SLC4A8: variants seen among roughly 807,000 people sequenced by gnomAD.
SLC4A8 encodes the protein solute carrier family 4 member 8, also known as electroneutral sodium bicarbonate exchanger 1.
SLC4A8 carries 40 observed loss-of-function variants against 125.0 expected under a neutral mutation model. The observed-to-expected ratio is 0.32, with a 90% CI of 0.25 to 0.42. SLC4A8 has a LOEUF of 0.42. Ranked by LOEUF, SLC4A8 falls within the 10% of genes least tolerant of loss-of-function variation. SLC4A8 has a pLI of 1.00. For missense variants in SLC4A8, 863 were observed against 1,355.1 expected (o/e 0.64, Z 5.70); for synonymous variants, 456 against 476.0 (o/e 0.96, Z 0.55).
intron 1 of SLC4A8, among the ~76,000 whole-genome samples, chr12:51,430,362 G>A (rs147154121): frequency 2.6e-5 from 4 of 152,178 alleles, no homozygotes; most frequent in African/African-American, 7.2e-5. Context: ...CAGGGAGTGC[G>A]TCAACTTTTC....
intron 9 of SLC4A8, chr12:51,461,571 A>G (rs1431994344): frequency 1.7e-5 from 5 of 290,684 alleles, no homozygotes; most frequent in African/African-American, 1.1e-4. Context: ...AGAGAAATAT[A>G]TTAAGGTTGG....
chr12:51,508,616 G>A lies in SLC4A8; in HGVS notation c.*1178G>A, dbSNP rs1482865008. On this transcript the variant is annotated 3_prime_UTR_variant, in exon 25 of 25. Transcript: ENST00000453097. ...ACATTCTGGCTCTCAGATGCAAAAA[G>A]TCACACTGGGAAATGAACTGTAAGT... The A allele has an allele frequency of 6.6e-6, 1 of 152,626 alleles. No individual in the cohort carries two copies. Among genetic ancestry groups the A allele is most frequent in the Non-Finnish European group, 1.5e-5 (1 of 68,044 alleles). The allele number at this position is 152,626 out of a possible 1,614,324, so 9.5% of individuals were successfully genotyped here.
At chr12:51,425,236 G>T in intron 1 of SLC4A8, 13 of 1,369,270 alleles carry the variant, frequency 9.5e-6, no homozygotes, top group South Asian at 1.7e-5. Context: ...ACCTTGGGCC[G>T]AACCTGGGAT....
chr12:51,458,214 C>T lies in SLC4A8; in HGVS notation c.764-345C>T, dbSNP rs1445416098. On this transcript the variant is annotated intron_variant, in intron 6 of 24. Transcript: ENST00000453097. ...CCTGGTCTCTACTCATAGTGAATCA[C>T]CATGTGCAGGGGATATGCCTGGGAA... Among the ~76,000 whole-genome samples, 3 of 152,284 alleles carry T rather than the reference C, an allele frequency of 2.0e-5. No individual in the cohort carries two copies. The East Asian group carries it at 5.8e-4, about 29-fold the overall frequency.
chr12:51,419,071 A>G (rs759447847), intron 1 of SLC4A8, among the ~76,000 whole-genome samples: 2 of 152,236 alleles, frequency 1.3e-5, no homozygotes, highest in Non-Finnish European at 1.5e-5. Flanking sequence ...AGCCAATTCA[A>G]TTTTATGCAG....
intron 22 of SLC4A8, among the ~76,000 whole-genome samples, chr12:51,499,044 G>A (rs1004719450): frequency 2.6e-5 from 4 of 151,038 alleles, no homozygotes; most frequent in Non-Finnish European, 5.9e-5. Context: ...AGCCAAGTAT[G>A]TTGGCGCATG....
intron 1 of SLC4A8, among the ~76,000 whole-genome samples, chr12:51,414,750 G>A (rs1275498213): frequency 6.6e-6 from 1 of 152,178 alleles, no homozygotes; most frequent in Non-Finnish European, 1.5e-5. Context: ...CTAGTTCTTA[G>A]AGAAAAGGCT....
At chr12:51,395,403 T>A (rs920612139) in intron 1 of SLC4A8, among the ~76,000 whole-genome samples, 12 of 152,206 alleles carry the variant, frequency 7.9e-5, no homozygotes, top group African/African-American at 2.9e-4. Context: ...TTGGGTGTTC[T>A]GAGTTTCACT....
chr12:51,434,204 A>G (rs938925260), intron 1 of SLC4A8, among the ~76,000 whole-genome samples: 6 of 152,094 alleles, frequency 3.9e-5, no homozygotes, highest in African/African-American at 9.7e-5. Flanking sequence ...ATGTTCATCT[A>G]TTCTCCAAAT....
At chr12:51,415,770 G>A (rs940536699) in intron 1 of SLC4A8, among the ~76,000 whole-genome samples, 1 of 149,622 alleles carries the variant, frequency 6.7e-6, no homozygotes, top group African/African-American at 2.5e-5. Context: ...AAAGGGGAGA[G>A]AGTGGGAGGG....
intron 19 of SLC4A8, among the ~76,000 whole-genome samples, chr12:51,492,483 G>A (rs1372567011): frequency 6.6e-6 from 1 of 152,116 alleles, no homozygotes; most frequent in Non-Finnish European, 1.5e-5. Flanking sequence ...ATCTGGAAGA[G>A]CCTAAACGTT....
intron 1 of SLC4A8, among the ~76,000 whole-genome samples, chr12:51,393,683 C>T (rs1948205755): frequency 6.6e-6 from 1 of 152,144 alleles, no homozygotes; most frequent in Non-Finnish European, 1.5e-5. Flanking sequence ...GGACATTCTC[C>T]CAGGAGTAGA....
Position 51,477,033 on chromosome 12 carries a change from A to G in SLC4A8, c.2172+1827A>G, listed in dbSNP as rs946473114. Among the ~76,000 whole-genome samples, 4 of 151,172 alleles carry G rather than the reference A, an allele frequency of 2.6e-5. No homozygotes were observed. The East Asian group carries it at 7.8e-4, about 29-fold the overall frequency. Reference sequence around the variant, plus strand: ...AGTGGTTCTTCTGCCTCAGCCTCCAAAGTAGCTGGGATTGCAGGCACTTAC... The same window carrying G: ...AGTGGTTCTTCTGCCTCAGCCTCCAGAGTAGCTGGGATTGCAGGCACTTAC... On this transcript the variant is annotated intron_variant, in intron 16 of 24. Coordinates refer to ENST00000453097, the MANE Select transcript of SLC4A8 (RefSeq NM_001039960.3).
intron 22 of SLC4A8, 37 bp from the exon 23 acceptor site, chr12:51,503,992 T>C (rs990247441): frequency 1.6e-5 from 19 of 1,211,486 alleles, no homozygotes; most frequent in Admixed American, 6.2e-5. Flanking sequence ...ATGGTCTTAC[T>C]TGGTCCAAGA....
At chr12:51,470,947 CT>C in intron 13 of SLC4A8, among the ~76,000 whole-genome samples, 1 of 151,550 alleles carries the variant, frequency 6.6e-6, no homozygotes, top group East Asian at 1.9e-4. Context: ...ACAATCTTTT[CT>C]TTTTTCCTTT....
At position 51,514,751 on chromosome 12, in the gene SLC4A8, G is replaced by A. The variant is rs1208575250; in HGVS notation, c.*7313G>A. On this transcript the variant is annotated 3_prime_UTR_variant, in exon 25 of 25. Coordinates refer to ENST00000453097, the MANE Select transcript of SLC4A8 (RefSeq NM_001039960.3). Reference sequence around the variant, plus strand: ...TAATATTAATTATAGAGAATGGGCAGTTGAGTCAGTTAACATCTTTTCATC... The same window carrying A: ...TAATATTAATTATAGAGAATGGGCAATTGAGTCAGTTAACATCTTTTCATC... 1 of 152,194 alleles carries A rather than the reference G, an allele frequency of 6.6e-6. No homozygotes were observed. Among genetic ancestry groups the A allele is most frequent in the Non-Finnish European group, 1.5e-5 (1 of 68,046 alleles). The allele number at this position is 152,194 out of a possible 1,614,324, so 9.4% of individuals were successfully genotyped here.
rs528144127 is a variant in SLC4A8 at position 51,512,629 on chromosome 12, A to C, written c.*5191A>C. ...AGGAAATGAGTAGTGGTGAAGCAGC[A>C]GCAGTGTGTGTGTGGGTGTGGGTGT... On this transcript the variant is annotated 3_prime_UTR_variant, in exon 25 of 25. Transcript: ENST00000453097. The C allele has an allele frequency of 6.6e-6, 1 of 152,376 alleles. No homozygotes were observed. Among genetic ancestry groups the C allele is most frequent in the Admixed American group, 6.5e-5 (1 of 15,272 alleles). 9.4% of individuals were successfully genotyped at this position (152,376 alleles called of 1,614,324 possible).
chr12:51,503,516 TATTG>T (rs1385701532), intron 22 of SLC4A8, among the ~76,000 whole-genome samples: 1 of 152,216 alleles, frequency 6.6e-6, no homozygotes, highest in Admixed American at 6.5e-5. Context: ...CGGCCTACCT[TATTG>T]ATTATTTTAA....
chr12:51,482,252 A>G (rs541665273), intron 16 of SLC4A8, among the ~76,000 whole-genome samples: 5 of 152,344 alleles, frequency 3.3e-5, no homozygotes, highest in African/African-American at 1.2e-4. Context: ...TATTGATTAC[A>G]TACTGAAATG....
Sources: allele counts gnomAD v4.1 joint callset (sites outside exome capture counted in the v4.1 genomes callset), GRCh38; gene constraint gnomAD v4.1.1; transcripts MANE v1.5; gene names NCBI Gene and HGNC (gene_info 2026-07-23, HGNC 2026-07-21).